Variants in ERC2 observed in about 807,000 individuals in gnomAD.
ERC2 encodes the protein ERC protein 2.
ERC2 carries 42 observed loss-of-function variants against 114.8 expected under a neutral mutation model. The ratio of observed to expected loss-of-function variants is 0.37; its 90% CI spans 0.29 to 0.47. ERC2 has a LOEUF of 0.47. ERC2 is among the 20% of genes least tolerant of loss of function. The probability of loss-of-function intolerance (pLI) is 0.99; values close to 1 mark genes in which losing one functional copy is unlikely to be tolerated. For missense variants in ERC2, 939 were observed against 1,150.7 expected (o/e 0.82, Z 2.66); for synonymous variants, 454 against 425.5 (o/e 1.07, Z -0.82).
chr3:55,777,094 A>T (rs2068683094), intron 14 of ERC2, among the ~76,000 whole-genome samples: 1 of 152,138 alleles, frequency 6.6e-6, no homozygotes, highest in African/African-American at 2.4e-5. Flanking sequence ...AAATAATAAC[A>T]GCAATATCTG....
At chr3:55,665,081 G>A (rs2061306742) in intron 17 of ERC2, among the ~76,000 whole-genome samples, 2 of 152,322 alleles carry the variant, frequency 1.3e-5, no homozygotes, top group South Asian at 4.1e-4. Flanking sequence ...GGAAGAGGGT[G>A]CGCGGTGAAG....
chr3:55,865,395 T>C (rs1289979309), intron 14 of ERC2, among the ~76,000 whole-genome samples: 2 of 152,186 alleles, frequency 1.3e-5, no homozygotes, highest in African/African-American at 4.8e-5. Context: ...AACATAGGCA[T>C]GGACTATAAC....
At chr3:55,786,484 C>A (rs149984099) in intron 14 of ERC2, among the ~76,000 whole-genome samples, 1 of 152,224 alleles carries the variant, frequency 6.6e-6, no homozygotes, top group Non-Finnish European at 1.5e-5. Flanking sequence ...CCCTTGTTAC[C>A]ACTGCTAATT....
At chr3:55,861,721 G>A (rs376374420) in intron 14 of ERC2, among the ~76,000 whole-genome samples, 1 of 152,174 alleles carries the variant, frequency 6.6e-6, no homozygotes, top group African/African-American at 2.4e-5. Context: ...GGAGAGCTTA[G>A]AGGTTATAAA....
intron 4 of ERC2, among the ~76,000 whole-genome samples, chr3:56,160,986 A>G (rs1381535654): frequency 1.3e-5 from 2 of 152,170 alleles, no homozygotes; most frequent in African/African-American, 4.8e-5. Context: ...CTTATGTTGA[A>G]ATACGATTCC....
chr3:55,939,958 GT>G (rs2066681249), intron 13 of ERC2, among the ~76,000 whole-genome samples: 1 of 152,176 alleles, frequency 6.6e-6, no homozygotes, highest in Admixed American at 6.5e-5. Context: ...AAATGTGTTA[GT>G]GCACACTATG....
intron 2 of ERC2, among the ~76,000 whole-genome samples, chr3:56,328,481 A>G (rs2057464105): frequency 6.6e-6 from 1 of 152,228 alleles, no homozygotes; most frequent in Non-Finnish European, 1.5e-5. Flanking sequence ...CTGAAAATGC[A>G]TGTGATATCT....
At chr3:56,104,927 C>T (rs2078564540) in intron 6 of ERC2, among the ~76,000 whole-genome samples, 1 of 151,812 alleles carries the variant, frequency 6.6e-6, no homozygotes, top group Non-Finnish European at 1.5e-5. Context: ...ATAGAGCAAG[C>T]CTGGGGAATC....
chr3:55,699,401 T>C lies in ERC2; in HGVS notation c.2824A>G (p.Asn942Asp), dbSNP rs746364510. The C allele has an allele frequency of 1.1e-5, 17 of 1,613,688 alleles. No individual in the cohort carries two copies. Among genetic ancestry groups the C allele is most frequent in the Non-Finnish European group, 1.4e-5 (17 of 1,179,822 alleles). Residue 942 changes from asparagine (N) to aspartate (D), a missense_variant, in exon 16 of 18, where the codon AAT (asparagine) becomes GAT (aspartate). By Grantham distance (23) the Asn-to-Asp change is conservative. Transcript: ENST00000288221. ...HRSPGRSQHSNHRPSPDQDDE... is the reference protein window; with the variant it reads ...HRSPGRSQHSDHRPSPDQDDE... ...ACCTGGTCCGGAGAGGGCCTGTGAT[T>C]GGAATGTTGCGACCTCCCAGGAGAT...
At chr3:56,180,588 T>C (rs932309975) in intron 3 of ERC2, among the ~76,000 whole-genome samples, 2 of 152,176 alleles carry the variant, frequency 1.3e-5, no homozygotes, top group African/African-American at 4.8e-5. Context: ...TCACTTATGA[T>C]AGGTATCTAG....
In ERC2 at chr3:55,981,255, C is replaced by T. The variant is rs150169302; in HGVS notation, c.2267+4722G>A. On this transcript the variant is annotated intron_variant, in intron 12 of 17. Coordinates refer to ENST00000288221, the MANE Select transcript of ERC2 (RefSeq NM_015576.3). ...AAATCAGCCGATTTCTGGCTTTCTA[C>T]CAGTTTTGCTTGGGCATAAAATTTT... 1.2e-4 allele frequency among the ~76,000 whole-genome samples: 19 copies of T among 152,320 alleles called. No individual in the cohort carries two copies. The East Asian group carries it at 3.5e-3, about 28-fold the overall frequency.
chr3:55,982,760 C>A (rs2070261487), intron 12 of ERC2, among the ~76,000 whole-genome samples: 1 of 152,200 alleles, frequency 6.6e-6, no homozygotes, highest in African/African-American at 2.4e-5. Flanking sequence ...TAGCAAAGAA[C>A]AAATTGCAGG....
chr3:55,528,030 CA>C (rs1304140629), intron 17 of ERC2, among the ~76,000 whole-genome samples: 3 of 152,044 alleles, frequency 2.0e-5, no homozygotes, highest in African/African-American at 4.8e-5. Flanking sequence ...CTTGGAGGAT[CA>C]GGGGTAATAT....
rs2148981248 is a variant in ERC2 at position 55,755,757 on chromosome 3, G to T, written c.2565-20839C>A. ...CCACCTAGTGACCTCTAAAAATGTTGTAACAATGTGAAAAATAGCTCCCTC... is the reference window on the plus strand; with the variant it reads ...CCACCTAGTGACCTCTAAAAATGTTTTAACAATGTGAAAAATAGCTCCCTC... On this transcript the variant is annotated intron_variant, in intron 14 of 17. Transcript: ENST00000288221. Among the ~76,000 whole-genome samples the T allele has an allele frequency of 1.3e-5, 2 of 152,198 alleles. 1 individual carries two copies. The highest frequency in any genetic ancestry group is 3.9e-4 in the East Asian group (2 of 5,176).
At chr3:56,004,478 A>G (rs1217062297) in intron 10 of ERC2, among the ~76,000 whole-genome samples, 1 of 152,100 alleles carries the variant, frequency 6.6e-6, no homozygotes, top group Non-Finnish European at 1.5e-5. Context: ...GTCATCACAA[A>G]GTATTGAAGG....
chr3:56,365,479 T>C (rs562599801), intron 2 of ERC2, among the ~76,000 whole-genome samples: 149 of 152,350 alleles, frequency 9.8e-4, no homozygotes, highest in African/African-American at 3.3e-3. Context: ...AACAACACGT[T>C]TCTCAGAATA....
chr3:56,292,423 CAA>C (rs796877268), intron 3 of ERC2, among the ~76,000 whole-genome samples: 1,273 of 76,978 alleles, frequency 0.017, 22 homozygotes, highest in African/African-American at 0.044. Flanking sequence ...ACCAAAAATA[CAA>C]AAAAAAAAAA....
chr3:56,424,801 T>C (rs1044666352), intron 2 of ERC2, among the ~76,000 whole-genome samples: 2 of 152,198 alleles, frequency 1.3e-5, no homozygotes, highest in Non-Finnish European at 2.9e-5. Context: ...GATGGACTCA[T>C]TTTTTTGTCC....
At chr3:56,104,593 CTT>C (rs1168608144) in intron 6 of ERC2, among the ~76,000 whole-genome samples, 2 of 151,006 alleles carry the variant, frequency 1.3e-5, no homozygotes, top group East Asian at 3.9e-4. Context: ...GGCTATGTGT[CTT>C]TGAATGCGAC....
Sources: gnomAD v4.1 joint callset for allele counts (sites outside exome capture counted in the v4.1 genomes callset) on GRCh38, gnomAD v4.1.1 for gene constraint, MANE v1.5 for transcripts, NCBI Gene and HGNC (gene_info 2026-07-23, HGNC 2026-07-21) for gene names.